Variants in ARL13B observed in about 807,000 individuals in gnomAD.
ARL13B encodes ADP-ribosylation factor-like protein 13B.
ARL13B carries 36 observed loss-of-function variants against 56.1 expected under a neutral mutation model. The observed-to-expected ratio is 0.64, with a 90% CI of 0.49 to 0.85. The LOEUF is 0.85. ARL13B is among the 40% of genes least tolerant of loss of function. ARL13B has a pLI of 0.00. For missense variants in ARL13B, 519 were observed against 507.1 expected, an observed-to-expected ratio of 1.02 and a Z score of -0.23; for synonymous variants, 178 against 171.1, an observed-to-expected ratio of 1.04 and a Z score of -0.32.
At chr3:94,012,873 A>T (rs932477717) in intron 3 of ARL13B, among the ~76,000 whole-genome samples, 1 of 152,158 alleles carries the variant, frequency 6.6e-6, no homozygotes, top group Non-Finnish European at 1.5e-5. Context: ...CCCATTCTTC[A>T]TATGGTAGAT....
At chr3:93,989,467 C>T (rs574156589) in intron 1 of ARL13B, among the ~76,000 whole-genome samples, 77 of 152,052 alleles carry the variant, frequency 5.1e-4, no homozygotes, top group Non-Finnish European at 8.8e-5. Flanking sequence ...CTCGGCATGG[C>T]AGGCTTCCTG....
At chr3:93,998,200 C>T (rs1228138831) in intron 2 of ARL13B, among the ~76,000 whole-genome samples, 6 of 152,154 alleles carry the variant, frequency 3.9e-5, no homozygotes. Flanking sequence ...GGCCATGACA[C>T]CTTCTTCTAA....
In ARL13B at chr3:94,041,813, G is replaced by A. The variant is rs770191730; in HGVS notation, c.799-1202G>A. ...TAAGTGGCCAGGCACGGTGGCTCAC[G>A]CCTGTAATCCCAGCACTTTGGGAGG... On this transcript the variant is annotated intron_variant, in intron 6 of 9. Transcript: ENST00000394222. Among the ~76,000 whole-genome samples, 3 of 152,144 alleles carry A rather than the reference G, an allele frequency of 2.0e-5. No homozygotes were observed. The South Asian group carries it at 6.2e-4, about 32-fold the overall frequency.
chr3:94,010,306 A>G (rs879913302), intron 3 of ARL13B, among the ~76,000 whole-genome samples: 9 of 152,090 alleles, frequency 5.9e-5, no homozygotes, highest in African/African-American at 1.4e-4. Flanking sequence ...TGTAAATGCA[A>G]TGGTGGATGT....
At chr3:94,041,334 G>C (rs1010523211) in intron 6 of ARL13B, among the ~76,000 whole-genome samples, 14 of 151,916 alleles carry the variant, frequency 9.2e-5, no homozygotes, top group Non-Finnish European at 1.9e-4. Context: ...AAAAATAATA[G>C]AACAACTTAA....
At position 94,054,753 on chromosome 3, in the gene ARL13B, A is replaced by G; in HGVS notation, c.*1490A>G. On this transcript the variant is annotated 3_prime_UTR_variant, in exon 10 of 10. Coordinates refer to ENST00000394222, the MANE Select transcript of ARL13B (RefSeq NM_001174150.2). The stretch of plus-strand genomic sequence containing the variant: ...CACTGTATATATTCTTGGAGTTTGT[A>G]CATGGGACTTAGCAACCACACTGAG... 1 of 420,842 alleles carries G rather than the reference A, an allele frequency of 2.4e-6. No homozygotes were observed. The highest frequency in any genetic ancestry group is 2.0e-5 in the African/African-American group (1 of 48,806). The allele number at this position is 420,842 out of a possible 1,614,324, so 26.1% of individuals were successfully genotyped here. A position where few individuals can be genotyped will look rare whatever the true frequency, so the allele number is the denominator to read the frequency against.
chr3:94,027,219 T>G (rs1460116716), intron 3 of ARL13B, among the ~76,000 whole-genome samples: 1 of 152,044 alleles, frequency 6.6e-6, no homozygotes. Flanking sequence ...CTAGTGCAAG[T>G]GAAAGCAGAG....
At chr3:93,987,683 C>G (rs1710534621) in intron 1 of ARL13B, among the ~76,000 whole-genome samples, 1 of 152,154 alleles carries the variant, frequency 6.6e-6, no homozygotes, top group African/African-American at 2.4e-5. Flanking sequence ...CGGTCTCTCT[C>G]TATTGCCTAG....
chr3:94,054,708 G>T lies in ARL13B; in HGVS notation c.*1445G>T, dbSNP rs2077116983. 2.5e-6 allele frequency: 1 copy of T among 395,662 alleles called. No homozygotes were observed. Among genetic ancestry groups the T allele is most frequent in the South Asian group, 1.9e-5 (1 of 52,060 alleles). The allele number at this position is 395,662 out of a possible 1,614,324, so 24.5% of individuals were successfully genotyped here. ...TAACTCACTGAACTTTAATAATCAG[G>T]TCACCTGTACTCTAGTCAGCACTGT... On this transcript the variant is annotated 3_prime_UTR_variant, in exon 10 of 10. Coordinates refer to ENST00000394222, the MANE Select transcript of ARL13B (RefSeq NM_001174150.2).
chr3:94,043,902 C>T (rs1427649440), intron 7 of ARL13B, among the ~76,000 whole-genome samples: 1 of 151,206 alleles, frequency 6.6e-6, no homozygotes, highest in African/African-American at 2.4e-5. Context: ...GGGTGATCCG[C>T]CCACCTCGGC....
At position 94,003,771 on chromosome 3, in the gene ARL13B, C is replaced by G. The variant is rs1326512093; in HGVS notation, c.243C>G (p.Ile81Met). The change falls in exon 3 of 10, where the codon ATC becomes ATG. Residue 81 changes from isoleucine (I) to methionine (M), a missense_variant. Coordinates refer to ENST00000394222, the MANE Select transcript of ARL13B (RefSeq NM_001174150.2). ...GAGGTGGAATAAGAATTCGGGGAAT[C>G]TGGAAGAATTACTATGCTGAATCCT... ...DLGGGIRIRGIWKNYYAESYG... is the reference protein window; with the variant it reads ...DLGGGIRIRGMWKNYYAESYG... The G allele has an allele frequency of 1.2e-6, 2 of 1,613,570 alleles. No individual in the cohort carries two copies. Among genetic ancestry groups the G allele is most frequent in the African/African-American group, 2.7e-5 (2 of 74,870 alleles).
At chr3:94,019,126 A>G (rs1401962636) in intron 3 of ARL13B, among the ~76,000 whole-genome samples, 1 of 151,950 alleles carries the variant, frequency 6.6e-6, no homozygotes, top group Non-Finnish European at 1.5e-5. Flanking sequence ...AATCTTGTCA[A>G]CATCTCTTTC....
At chr3:94,014,376 A>G (rs946430724) in intron 3 of ARL13B, 2 of 1,514,224 alleles carry the variant, frequency 1.3e-6, no homozygotes, top group East Asian at 4.6e-5. Flanking sequence ...AAGTTTTAAA[A>G]TAGCTTCTTT....
chr3:93,992,203 C>T (rs1332869037), intron 1 of ARL13B, among the ~76,000 whole-genome samples: 2 of 151,728 alleles, frequency 1.3e-5, no homozygotes, highest in Non-Finnish European at 2.9e-5. Flanking sequence ...AAACTGAAAT[C>T]TTGACAAGAA....
rs200861307 is a variant in ARL13B, at chr3:94,045,963, A to G, written c.1024+2723A>G. On this transcript the variant is annotated intron_variant, in intron 7 of 9. Transcript: ENST00000394222. ...AAGACTCCATCACAAAAAAAAAAAA[A>G]AAAAGAAAAAAAAAAGACATACTAT... 8.2e-5 allele frequency among the ~76,000 whole-genome samples: 12 copies of G among 146,614 alleles called. No individual in the cohort carries two copies. The South Asian group carries it at 1.1e-3, about 13-fold the overall frequency.
intron 1 of ARL13B, among the ~76,000 whole-genome samples, chr3:93,990,179 T>A (rs2107353170): frequency 6.6e-6 from 1 of 152,144 alleles, no homozygotes; most frequent in Non-Finnish European, 1.5e-5. Flanking sequence ...TAATTTTTTT[T>A]GTATTTTTAG....
intron 3 of ARL13B, among the ~76,000 whole-genome samples, chr3:94,023,490 T>G (rs1322428953): frequency 6.6e-6 from 1 of 151,376 alleles, no homozygotes; most frequent in Non-Finnish European, 1.5e-5. Context: ...ACGGTCTTGC[T>G]TTTTTTTTAA....
chr3:93,986,420 AT>A (rs150754519), intron 1 of ARL13B, among the ~76,000 whole-genome samples: 15 of 152,014 alleles, frequency 9.9e-5, no homozygotes, highest in African/African-American at 2.7e-4. Flanking sequence ...TTTTCGATAC[AT>A]TTTTTTCTTT....
At chr3:94,015,347 A>G (rs891124746) in intron 3 of ARL13B, 118 of 1,228,936 alleles carry the variant, frequency 9.6e-5, no homozygotes, top group Non-Finnish European at 1.2e-4. Flanking sequence ...GTAGCAGTTG[A>G]CTTCACATAA....
Sources: gnomAD v4.1 joint callset for allele counts (sites outside exome capture counted in the v4.1 genomes callset) on GRCh38, gnomAD v4.1.1 for gene constraint, MANE v1.5 for transcripts, NCBI Gene and HGNC (gene_info 2026-07-23, HGNC 2026-07-21) for gene names.